The following SYNJ2 variants were observed in gnomAD, a reference collection of about 807,000 sequenced individuals.
The protein encoded by SYNJ2 is synaptojanin 2, also known as polyphosphatidylinositol phosphatase SYNJ2.
A neutral mutation model predicts 141.3 loss-of-function variants in SYNJ2; 116 were observed. That is an observed-to-expected ratio of 0.82 (90% CI 0.71 to 0.96). The LOEUF is 0.96. Among genes scored for constraint, SYNJ2 ranks in the 40% least tolerant of loss-of-function variants. The pLI is 0.00. For synonymous variants in SYNJ2, 745 were observed against 777.7 expected (o/e 0.96, Z 0.70); for missense variants, 1,873 against 1,934.8 (o/e 0.97, Z 0.60).
intron 1 of SYNJ2, among the ~76,000 whole-genome samples, chr6:157,992,291 C>G (rs1777470470): frequency 6.6e-6 from 1 of 152,016 alleles, no homozygotes; most frequent in African/African-American, 2.4e-5. Context: ...CCTTCCTAGC[C>G]TCTGGTAACC....
At chr6:158,058,154 GT>G (rs1333395902) in intron 6 of SYNJ2, among the ~76,000 whole-genome samples, 2 of 152,196 alleles carry the variant, frequency 1.3e-5, no homozygotes, top group African/African-American at 4.8e-5. Flanking sequence ...AGAGAAAGAT[GT>G]TTAAAGAAGA....
At chr6:157,991,286 C>T (rs188624228) in intron 1 of SYNJ2, among the ~76,000 whole-genome samples, 2 of 152,174 alleles carry the variant, frequency 1.3e-5, no homozygotes, top group South Asian at 2.1e-4. Context: ...TCAACAAACC[C>T]GGGACAGCAG....
At chr6:158,062,371 G>T (rs1781278876) in intron 8 of SYNJ2, 1 of 408,548 alleles carries the variant, frequency 2.4e-6, no homozygotes, top group Non-Finnish European at 3.3e-6. Context: ...GCGACGCCGG[G>T]AATCTTGGGT....
chr6:158,008,024 T>C (rs1778136443), intron 1 of SYNJ2, among the ~76,000 whole-genome samples: 2 of 152,284 alleles, frequency 1.3e-5, no homozygotes, highest in South Asian at 4.2e-4. Context: ...ACTCCTGGGC[T>C]CAACCAGTCC....
In SYNJ2 at chr6:158,071,680, G is replaced by C. The variant is rs776122672; in HGVS notation, c.2019G>C (p.Gln673His). Residue 673 changes from glutamine (Q) to histidine (H), a missense_variant, in exon 15 of 27, where the codon CAG becomes CAC. Physicochemically the swap from Gln to His is conservative, Grantham distance 24. Coordinates refer to ENST00000355585, the MANE Select transcript of SYNJ2 (RefSeq NM_003898.4). This position sits in a 1 kb window ranked among gnomAD's most constrained non-coding sequence, Gnocchi z 4.3. ...GNKGAVGIRF[Q>H]FHSTSFCFIC... is the part of the protein sequence containing the mutation. ...AGGGCGCCGTCGGCATCCGCTTCCA[G>C]TTCCACAGCACCAGCTTCTGCTTCA... 6.2e-7 allele frequency: 1 copy of C among 1,614,160 alleles called. No individual in the cohort carries two copies. The highest frequency in any genetic ancestry group is 1.1e-5 in the South Asian group (1 of 91,086).
intron 4 of SYNJ2, among the ~76,000 whole-genome samples, chr6:158,042,925 G>A (rs1042709621): frequency 2.6e-5 from 4 of 152,296 alleles, no homozygotes; most frequent in African/African-American, 9.6e-5. Context: ...TTAGCTATTT[G>A]CCAAGGCAAA....
In SYNJ2 at chr6:158,089,951, G is replaced by A; in HGVS notation, c.3565+4G>A. On this transcript the variant is annotated splice_donor_region_variant and intron_variant, in intron 25 of 26. Transcript: ENST00000355585. ...TGTCTCCTGGAAGCCAGAGGAGGTA[G>A]GTGCTTTCCTGGGGGCAGGGGAAAA... The A allele has an allele frequency of 6.2e-7, 1 of 1,609,532 alleles. No homozygotes were observed. Among genetic ancestry groups the A allele is most frequent in the Non-Finnish European group, 8.5e-7 (1 of 1,175,954 alleles).
rs1408589974 is a variant in SYNJ2 at position 158,094,409 on chromosome 6, A to AC, written c.3745-1209_3745-1208insC. Reference sequence around the variant, plus strand: ...TACGGCTGGGCAAAAAAAAAAAAAAAAAAAAAAAACACCCATCCAACACAG... The same window carrying AC: ...TACGGCTGGGCAAAAAAAAAAAAAAACAAAAAAAAACACCCATCCAACACAG... On this transcript the variant is annotated intron_variant, in intron 26 of 26. Transcript: ENST00000355585. Among the ~76,000 whole-genome samples, 5 of 151,718 alleles carry AC rather than the reference A, an allele frequency of 3.3e-5. 1 individual carries two copies. Among genetic ancestry groups the AC allele is most frequent in the African/African-American group, 1.2e-4 (5 of 41,464 alleles).
At chr6:158,067,923 C>G (rs1163224870) in intron 12 of SYNJ2, 1 of 985,204 alleles carries the variant, frequency 1.0e-6, no homozygotes, top group Admixed American at 6.2e-5. Flanking sequence ...AGCCGTCCCT[C>G]CAGTCCCCAC....
rs984299479 is a variant in SYNJ2 at position 158,040,778 on chromosome 6, T to C, written c.712-2538T>C. ...ATGGCCATTAGGTTTCTGTTCCCACTGCTCTGGAAGCGTCACTCAGGGTCA... is the reference window on the plus strand; with the variant it reads ...ATGGCCATTAGGTTTCTGTTCCCACCGCTCTGGAAGCGTCACTCAGGGTCA... On this transcript the variant is annotated intron_variant, in intron 4 of 26. Coordinates refer to ENST00000355585, the MANE Select transcript of SYNJ2 (RefSeq NM_003898.4). The surrounding 1 kb of genome is among the most constrained non-coding windows in gnomAD (Gnocchi z 4.2). 6.6e-6 allele frequency among the ~76,000 whole-genome samples: 1 copy of C among 152,208 alleles called. No homozygotes were observed. Among genetic ancestry groups the C allele is most frequent in the Non-Finnish European group, 1.5e-5 (1 of 68,034 alleles).
intron 3 of SYNJ2, among the ~76,000 whole-genome samples, chr6:158,032,827 T>C (rs771956762): frequency 9.2e-5 from 14 of 152,218 alleles, no homozygotes; most frequent in Non-Finnish European, 1.9e-4. Flanking sequence ...TCATGGACTC[T>C]AGAGCCTACA....
At chr6:158,044,085 T>C (rs1780102603) in intron 5 of SYNJ2, among the ~76,000 whole-genome samples, 1 of 152,144 alleles carries the variant, frequency 6.6e-6, no homozygotes, top group Non-Finnish European at 1.5e-5. Flanking sequence ...TCCCCAGTCT[T>C]CCTCCCTGTC....
chr6:158,077,311 A>G (rs2128383731), intron 17 of SYNJ2, among the ~76,000 whole-genome samples: 1 of 152,266 alleles, frequency 6.6e-6, no homozygotes, highest in South Asian at 2.1e-4. Context: ...GTCTCTTTCT[A>G]GAGACAGTGA....
chr6:158,055,503 A>ATGTGTGTGTGTGTG (rs61172281), intron 6 of SYNJ2, among the ~76,000 whole-genome samples: 8 of 147,866 alleles, frequency 5.4e-5, no homozygotes, highest in South Asian at 2.2e-4. Context: ...TTGGCATTTT[A>ATGTGTGTGTGTGTG]TGTGTGTGTG....
At chr6:158,076,540 G>A (rs1320963950) in intron 16 of SYNJ2, 86 bp from the exon 17 acceptor site, 1 of 1,419,308 alleles carries the variant, frequency 7.0e-7, no homozygotes, top group Non-Finnish European at 9.6e-7. Flanking sequence ...TAAGAATAGG[G>A]ACTTGCCTTT....
intron 2 of SYNJ2, 118 bp downstream of exon 2, chr6:158,017,408 T>A: frequency 6.9e-5 from 33 of 475,546 alleles, no homozygotes; most frequent in South Asian, 9.4e-5. Flanking sequence ...CTCTCTTCTT[T>A]TTTTTTTTTT....
intron 26 of SYNJ2, 60 bp downstream of exon 26, chr6:158,093,164 A>G: frequency 6.5e-7 from 1 of 1,537,446 alleles, no homozygotes; most frequent in Non-Finnish European, 8.8e-7. Context: ...CTCGATAGAT[A>G]AGAATTGTGG....
rs1777036890 is a variant in SYNJ2 at position 157,982,132 on chromosome 6, C to T, written c.127+44C>T. The T allele has an allele frequency of 7.8e-7, 1 of 1,284,952 alleles. No homozygotes were observed. Among genetic ancestry groups the T allele is most frequent in the Non-Finnish European group, 9.9e-7 (1 of 1,015,124 alleles). The allele number at this position is 1,284,952 out of a possible 1,614,324, so 79.6% of individuals were successfully genotyped here. A position where few individuals can be genotyped will look rare whatever the true frequency, so the allele number is the denominator to read the frequency against. ...CAGCGACGCCCGGAGGAGAGGGCGCCCGCATTCGCCCAGCCTCGGGAAGAC... is the reference window on the plus strand; with the variant it reads ...CAGCGACGCCCGGAGGAGAGGGCGCTCGCATTCGCCCAGCCTCGGGAAGAC... On this transcript the variant is annotated intron_variant, in intron 1 of 26. Transcript: ENST00000355585. The surrounding 1 kb of genome is among the most constrained non-coding windows in gnomAD (Gnocchi z 4.0).
At chr6:158,026,872 A>G (rs913631511) in intron 2 of SYNJ2, 26 of 985,294 alleles carry the variant, frequency 2.6e-5, no homozygotes, top group Non-Finnish European at 8.4e-6. Context: ...CAAGGCTCTG[A>G]TCACAAGCTG....
Sources: allele counts gnomAD v4.1 joint callset (sites outside exome capture counted in the v4.1 genomes callset), GRCh38; gene constraint gnomAD v4.1.1; non-coding constraint Gnocchi (gnomAD v3.1); transcripts MANE v1.5; gene names NCBI Gene and HGNC (gene_info 2026-07-23, HGNC 2026-07-21).